Variants in PLXNA2 observed in about 807,000 individuals in gnomAD.
PLXNA2 encodes plexin A2, also known as plexin-A2.
In PLXNA2, 91 loss-of-function variants were observed where a neutral mutation model predicts 193.5. The observed-to-expected ratio is 0.47, with a 90% CI of 0.40 to 0.56. The LOEUF (loss-of-function observed/expected upper bound fraction) is 0.56. PLXNA2 is among the 20% of genes least tolerant of loss of function. The probability of loss-of-function intolerance (pLI) is 0.00; values close to 1 mark genes in which losing one functional copy is unlikely to be tolerated. For synonymous variants in PLXNA2, 997 were observed against 1,027.3 expected, an observed-to-expected ratio of 0.97 and a Z score of 0.56; for missense variants, 1,995 against 2,503.2, an observed-to-expected ratio of 0.80 and a Z score of 4.33.
intron 1 of PLXNA2, among the ~76,000 whole-genome samples, chr1:208,238,194 G>C (rs1293853275): frequency 6.6e-6 from 1 of 152,082 alleles, no homozygotes; most frequent in Non-Finnish European, 1.5e-5. Flanking sequence ...GCGGGGATCA[G>C]AGGAGACAGG....
At chr1:208,030,795 T>C (rs1664479517) in intron 29 of PLXNA2, 1 of 985,266 alleles carries the variant, frequency 1.0e-6, no homozygotes, top group South Asian at 4.7e-5. Flanking sequence ...CTGTGCTCTT[T>C]CCCAAAGGAA....
chr1:208,167,587 C>T (rs1669351353), intron 3 of PLXNA2, among the ~76,000 whole-genome samples: 1 of 152,196 alleles, frequency 6.6e-6, no homozygotes, highest in Non-Finnish European at 1.5e-5. Context: ...CCCTGCTCTT[C>T]TTACTCCCCT....
intron 4 of PLXNA2, among the ~76,000 whole-genome samples, chr1:208,121,773 T>C (rs1667813189): frequency 6.6e-6 from 1 of 152,076 alleles, no homozygotes; most frequent in Non-Finnish European, 1.5e-5. Flanking sequence ...CACACACACA[T>C]ATGTACTCCA....
At chr1:208,027,949 T>A in intron 31 of PLXNA2, 60 bp downstream of exon 31, 4 of 1,457,132 alleles carry the variant, frequency 2.7e-6, no homozygotes, top group Non-Finnish European at 3.7e-6. Context: ...ATTTAAGGAC[T>A]GAGTCAGGCT....
In PLXNA2 at chr1:208,052,558, C is replaced by T. The variant is rs182746623; in HGVS notation, c.2857-95G>A. On this transcript the variant is annotated intron_variant, in intron 14 of 31. Transcript: ENST00000367033. ...AAGGATGGGAGAGATTGTTTTCATT[C>T]TGGGCGTGGTGGTACTTGTCCTGTC... is the stretch of plus-strand genomic sequence containing the variant. 2,265 of 1,283,610 alleles carry T rather than the reference C, an allele frequency of 1.8e-3. 21 individuals are homozygous for T. The Middle Eastern group carries it at 0.02, about 12-fold the overall frequency. The allele number at this position is 1,283,610 out of a possible 1,614,324, so 79.5% of individuals were successfully genotyped here. A position where few individuals can be genotyped will look rare whatever the true frequency, so the allele number is the denominator to read the frequency against.
chr1:208,226,725 C>G (rs555869669), intron 1 of PLXNA2, among the ~76,000 whole-genome samples: 173 of 152,336 alleles, frequency 1.1e-3, no homozygotes, highest in African/African-American at 3.8e-3. Flanking sequence ...GCTGAGAGAG[C>G]CGCATGGTAT....
intron 26 of PLXNA2, among the ~76,000 whole-genome samples, chr1:208,035,282 C>A (rs1664636736): frequency 6.6e-6 from 1 of 152,218 alleles, no homozygotes; most frequent in South Asian, 2.1e-4. Context: ...GGCTCCAGAG[C>A]ACATGTTCTC....
At chr1:208,186,965 C>A (rs1366405063) in intron 3 of PLXNA2, among the ~76,000 whole-genome samples, 2 of 151,914 alleles carry the variant, frequency 1.3e-5, no homozygotes, top group African/African-American at 2.4e-5. Flanking sequence ...TCATGATCCA[C>A]CCGCCTCGGC....
intron 11 of PLXNA2, among the ~76,000 whole-genome samples, chr1:208,081,434 G>T (rs563778505): frequency 9.8e-5 from 15 of 152,310 alleles, no homozygotes; most frequent in African/African-American, 3.4e-4. Flanking sequence ...TTGAAGTGTG[G>T]CAAGGCTTGT....
chr1:208,106,455 A>C (rs926283211), intron 4 of PLXNA2, among the ~76,000 whole-genome samples: 1 of 152,230 alleles, frequency 6.6e-6, no homozygotes. Context: ...GTTCTAAGAC[A>C]AGTATTCAAA....
In PLXNA2 at chr1:208,236,791, AG is replaced by A. The variant is rs994453071; in HGVS notation, c.-81+6851del. Among the ~76,000 whole-genome samples, 9 of 152,170 alleles carry A rather than the reference AG, an allele frequency of 5.9e-5. No homozygotes were observed. The highest frequency in any genetic ancestry group is 1.9e-4 in the East Asian group (1 of 5,184). ...AATCTAGTGGTTCTTTACATTGTGG[AG>A]GGGGCAAGAACTCCTTCTCTTCGGA... On this transcript the variant is annotated intron_variant, in intron 1 of 31. Coordinates refer to ENST00000367033, the MANE Select transcript of PLXNA2 (RefSeq NM_025179.4). This position sits in a 1 kb window ranked among gnomAD's most constrained non-coding sequence, Gnocchi z 4.4.
chr1:208,157,429 T>C (rs530152762), intron 3 of PLXNA2, among the ~76,000 whole-genome samples: 2 of 152,258 alleles, frequency 1.3e-5, no homozygotes, highest in Non-Finnish European at 1.5e-5. Flanking sequence ...TTGTACCCTA[T>C]GAATCTGTAC....
intron 1 of PLXNA2, among the ~76,000 whole-genome samples, chr1:208,229,308 C>T (rs1671614122): frequency 6.6e-6 from 1 of 152,164 alleles, no homozygotes; most frequent in African/African-American, 2.4e-5. Context: ...TGACTATTTC[C>T]TATCTCCCCA....
intron 3 of PLXNA2, among the ~76,000 whole-genome samples, chr1:208,149,002 T>C (rs940605694): frequency 3.9e-5 from 6 of 152,186 alleles, no homozygotes; most frequent in African/African-American, 1.2e-4. Context: ...GACACAGAGT[T>C]ATTGAGCGCT....
At chr1:208,173,323 A>G (rs1669553326) in intron 3 of PLXNA2, among the ~76,000 whole-genome samples, 1 of 152,212 alleles carries the variant, frequency 6.6e-6, no homozygotes, top group Non-Finnish European at 1.5e-5. Context: ...GGTCTCTTAA[A>G]AAGTCTGCAG....
At chr1:208,137,728 G>A (rs1668345586) in intron 4 of PLXNA2, among the ~76,000 whole-genome samples, 1 of 152,166 alleles carries the variant, frequency 6.6e-6, no homozygotes, top group African/African-American at 2.4e-5. Context: ...TTGTTAGGCA[G>A]TGACACTAAC....
intron 4 of PLXNA2, among the ~76,000 whole-genome samples, chr1:208,116,918 C>T (rs1667655142): frequency 6.6e-6 from 1 of 152,162 alleles, no homozygotes; most frequent in African/African-American, 2.4e-5. Flanking sequence ...TGCCTGTAAT[C>T]CCAGAACTTT....
chr1:208,090,882 C>T (rs1162290778), intron 9 of PLXNA2, among the ~76,000 whole-genome samples: 1 of 152,242 alleles, frequency 6.6e-6, no homozygotes, highest in Non-Finnish European at 1.5e-5. Context: ...GGTGGCTCTG[C>T]TGTTCCTGGC....
At chr1:208,185,076 C>T (rs1045962687) in intron 3 of PLXNA2, among the ~76,000 whole-genome samples, 5 of 152,204 alleles carry the variant, frequency 3.3e-5, no homozygotes, top group African/African-American at 1.2e-4. Flanking sequence ...ATCCCTGCCT[C>T]TCACACTCTG....
Sources: allele counts gnomAD v4.1 joint callset (sites outside exome capture counted in the v4.1 genomes callset), GRCh38; gene constraint gnomAD v4.1.1; non-coding constraint Gnocchi (gnomAD v3.1); transcripts MANE v1.5; gene names NCBI Gene and HGNC (gene_info 2026-07-23, HGNC 2026-07-21).